Variants in CBFB observed in about 807,000 individuals in gnomAD.
CBFB encodes CBF-beta.
Under a neutral mutation model 30.4 loss-of-function variants are expected in CBFB, and 9 were observed. That is an observed-to-expected ratio of 0.30 (90% CI 0.18 to 0.52). The LOEUF is 0.52. Among genes scored for constraint, CBFB ranks in the 20% least tolerant of loss-of-function variants. The probability of loss-of-function intolerance (pLI) is 0.97; values close to 1 mark genes in which losing one functional copy is unlikely to be tolerated. For missense variants in CBFB, 170 were observed against 244.0 expected (o/e 0.70, Z 2.02); for synonymous variants, 94 against 84.0 (o/e 1.12, Z -0.65).
At chr16:67,031,227 T>G (rs1966338870) in intron 2 of CBFB, among the ~76,000 whole-genome samples, 1 of 152,214 alleles carries the variant, frequency 6.6e-6, no homozygotes, top group Non-Finnish European at 1.5e-5. Flanking sequence ...TCCTGAATAT[T>G]TGGTCATTAG....
chr16:67,075,390 T>C (rs1961365689), intron 4 of CBFB, among the ~76,000 whole-genome samples: 1 of 152,108 alleles, frequency 6.6e-6, no homozygotes, highest in Non-Finnish European at 1.5e-5. Flanking sequence ...AAAATAATTA[T>C]TAAAACCACA....
chr16:67,083,562 T>C (rs920938399), intron 5 of CBFB, among the ~76,000 whole-genome samples: 86 of 152,210 alleles, frequency 5.7e-4, no homozygotes, highest in African/African-American at 2.0e-3. Flanking sequence ...CCAAAGTGCT[T>C]GGATTGATTA....
chr16:67,053,941 A>C (rs1354820620), intron 3 of CBFB, among the ~76,000 whole-genome samples: 2 of 150,882 alleles, frequency 1.3e-5, no homozygotes, highest in Admixed American at 1.3e-4. Flanking sequence ...CACCTTTGTC[A>C]GCTCAAATGA....
At chr16:67,046,136 T>C (rs999296814) in intron 3 of CBFB, among the ~76,000 whole-genome samples, 3 of 151,652 alleles carry the variant, frequency 2.0e-5, no homozygotes, top group South Asian at 4.2e-4. Flanking sequence ...AAACTAGATA[T>C]CTCTCTGTCA....
chr16:67,055,314 A>G (rs935791950), intron 3 of CBFB, among the ~76,000 whole-genome samples: 4 of 150,286 alleles, frequency 2.7e-5, no homozygotes, highest in African/African-American at 2.4e-5. Flanking sequence ...GTGTATACGC[A>G]CACACACACA....
intron 1 of CBFB, 37 bp downstream of exon 1, chr16:67,029,522 G>GC: frequency 1.3e-6 from 2 of 1,557,074 alleles, no homozygotes; most frequent in Non-Finnish European, 1.7e-6. Flanking sequence ...AGGCCGCAGC[G>GC]CGCCCCGAGT....
At chr16:67,098,569 TGCC>T in intron 5 of CBFB, 138 bp from the exon 6 acceptor site, 2 of 573,910 alleles carry the variant, frequency 3.5e-6, no homozygotes, top group Non-Finnish European at 3.1e-6. Context: ...GGTTTTTTTT[TGCC>T]TGTTACATGT....
chr16:67,074,778 G>C (rs941051451), intron 4 of CBFB, among the ~76,000 whole-genome samples: 2 of 152,194 alleles, frequency 1.3e-5, no homozygotes, highest in Non-Finnish European at 2.9e-5. Context: ...TAAACTGTAA[G>C]TAAATGGATA....
chr16:67,048,100 C>T (rs1395101488), intron 3 of CBFB, among the ~76,000 whole-genome samples: 4 of 151,624 alleles, frequency 2.6e-5, no homozygotes, highest in Admixed American at 6.6e-5. Context: ...ATTGGTCAGG[C>T]GTGGTGTCGC....
chr16:67,076,917 T>C (rs575072597), intron 4 of CBFB, among the ~76,000 whole-genome samples: 1 of 152,270 alleles, frequency 6.6e-6, no homozygotes, highest in Admixed American at 6.5e-5. Context: ...TTTTTTTTTT[T>C]CATTGTCAGC....
chr16:67,067,328 G>T (rs1164829045), intron 4 of CBFB, among the ~76,000 whole-genome samples: 1 of 151,846 alleles, frequency 6.6e-6, no homozygotes, highest in African/African-American at 2.4e-5. Context: ...GACCAGCCTG[G>T]CCATCATGAT....
intron 4 of CBFB, among the ~76,000 whole-genome samples, chr16:67,072,457 GTTTTTCTTTT>G (rs774704859): frequency 4.0e-5 from 6 of 150,896 alleles, no homozygotes; most frequent in Admixed American, 6.6e-5. Context: ...ATATGGTCTT[GTTTTTCTTTT>G]TTTTTCTTTT....
intron 3 of CBFB, among the ~76,000 whole-genome samples, chr16:67,051,511 T>C (rs945385447): frequency 6.6e-6 from 1 of 151,960 alleles, no homozygotes; most frequent in Non-Finnish European, 1.5e-5. Flanking sequence ...CATACATATA[T>C]GGATCCAGTT....
intron 5 of CBFB, among the ~76,000 whole-genome samples, chr16:67,088,905 T>TC (rs1431369915): frequency 5.3e-5 from 8 of 152,238 alleles, no homozygotes; most frequent in Non-Finnish European, 1.0e-4. Flanking sequence ...GAAGCAGAAC[T>TC]CCAAGTGGTT....
intron 5 of CBFB, among the ~76,000 whole-genome samples, chr16:67,090,131 T>G (rs1162543899): frequency 2.0e-5 from 3 of 152,148 alleles, no homozygotes; most frequent in African/African-American, 7.2e-5. Context: ...CCAGTTACTG[T>G]GGGGATTGAG....
intron 1 of CBFB, 21 bp downstream of exon 1, chr16:67,029,506 G>A (rs1378185218): frequency 7.0e-6 from 11 of 1,575,726 alleles, no homozygotes; most frequent in Admixed American, 1.8e-5. Context: ...CGGGCGGGCG[G>A]CTAGGAGGCC....
At chr16:67,092,698 C>CTTTTTTTTTTTTTTTTTTTTTTTTTTTT (rs777213321) in intron 5 of CBFB, among the ~76,000 whole-genome samples, 1 of 33,528 alleles carries the variant, frequency 3.0e-5, no homozygotes, top group African/African-American at 1.1e-4. Context: ...GTGGTGCAAT[C>CTTTTTTTTTTTTTTTTTTTTTTTTTTTT]TTTTTTTTTT....
chr16:67,051,476 CTA>C (rs750985015), intron 3 of CBFB, among the ~76,000 whole-genome samples: 10 of 150,442 alleles, frequency 6.6e-5, no homozygotes, highest in African/African-American at 1.2e-4. Context: ...TAATATATTG[CTA>C]TATATATATA....
intron 3 of CBFB, among the ~76,000 whole-genome samples, chr16:67,053,355 G>A (rs887144658): frequency 1.3e-5 from 2 of 148,334 alleles, no homozygotes; most frequent in Admixed American, 6.9e-5. Flanking sequence ...CTGGGTTCAC[G>A]CCATTCTCCT....
Sources: allele counts gnomAD v4.1 joint callset (sites outside exome capture counted in the v4.1 genomes callset), GRCh38; gene constraint gnomAD v4.1.1; transcripts MANE v1.5; gene names NCBI Gene and HGNC (gene_info 2026-07-23, HGNC 2026-07-21).